GPC5: variants seen among roughly 807,000 people sequenced by gnomAD.
The protein encoded by GPC5 is glypican 5, also known as glypican-5.
Under a neutral mutation model 53.9 loss-of-function variants are expected in GPC5, and 47 were observed. That is an observed-to-expected ratio of 0.87 (90% CI 0.69 to 1.11). The LOEUF is 1.11. GPC5 is among the 50% of genes most tolerant of loss of function. The pLI is 0.00. For missense variants in GPC5, 748 were observed against 713.1 expected, an observed-to-expected ratio of 1.05 and a Z score of -0.56; for synonymous variants, 286 against 263.3, an observed-to-expected ratio of 1.09 and a Z score of -0.84.
chr13:92,483,243 T>C (rs988185238), intron 7 of GPC5, among the ~76,000 whole-genome samples: 1 of 152,186 alleles, frequency 6.6e-6, no homozygotes, highest in African/African-American at 2.4e-5. Flanking sequence ...GATTTCATAA[T>C]TGTGTGAACA....
At chr13:91,608,550 G>A (rs1036121190) in intron 2 of GPC5, among the ~76,000 whole-genome samples, 1 of 152,110 alleles carries the variant, frequency 6.6e-6, no homozygotes, top group African/African-American at 2.4e-5. Context: ...TGTCCCTTAT[G>A]GGTGCTTTGT....
At chr13:92,352,821 C>T (rs1312061450) in intron 7 of GPC5, among the ~76,000 whole-genome samples, 1 of 152,086 alleles carries the variant, frequency 6.6e-6, no homozygotes, top group African/African-American at 2.4e-5. Context: ...AATATTTATG[C>T]ACTTGAAAAC....
chr13:91,588,358 C>A (rs535916768), intron 2 of GPC5, among the ~76,000 whole-genome samples: 23 of 152,082 alleles, frequency 1.5e-4, no homozygotes, highest in Non-Finnish European at 2.8e-4. Context: ...CAATTAAGAA[C>A]AAGTTTCTGC....
intron 7 of GPC5, among the ~76,000 whole-genome samples, chr13:92,275,608 A>T (rs2042869836): frequency 6.6e-6 from 1 of 152,120 alleles, no homozygotes; most frequent in South Asian, 2.1e-4. Flanking sequence ...ACATCTGAAC[A>T]TTTCTTTCAC....
At chr13:92,739,771 G>GA (rs1322022547) in intron 7 of GPC5, among the ~76,000 whole-genome samples, 1 of 149,274 alleles carries the variant, frequency 6.7e-6, no homozygotes, top group Non-Finnish European at 1.5e-5. Flanking sequence ...CAACCAAATT[G>GA]AAAAAAGAAT....
At chr13:91,472,886 G>A (rs1342192296) in intron 2 of GPC5, among the ~76,000 whole-genome samples, 1 of 152,116 alleles carries the variant, frequency 6.6e-6, no homozygotes, top group Non-Finnish European at 1.5e-5. Context: ...CTGAGATTCT[G>A]CTAGGTGCTG....
chr13:92,693,140 A>G (rs1237827577), intron 7 of GPC5, among the ~76,000 whole-genome samples: 1 of 152,104 alleles, frequency 6.6e-6, no homozygotes, highest in African/African-American at 2.4e-5. Context: ...CTTCCCAGCC[A>G]TACAGGACTA....
chr13:91,784,730 A>G (rs2037852160), intron 5 of GPC5, among the ~76,000 whole-genome samples: 1 of 151,686 alleles, frequency 6.6e-6, no homozygotes, highest in Non-Finnish European at 1.5e-5. Context: ...ATCTCAGAAA[A>G]AAAAAAAATG....
At chr13:92,812,970 A>C (rs1472569253) in intron 7 of GPC5, among the ~76,000 whole-genome samples, 1 of 152,010 alleles carries the variant, frequency 6.6e-6, no homozygotes, top group African/African-American at 2.4e-5. Context: ...TTATCTTCTA[A>C]AATTTAATTC....
At chr13:92,242,981 T>C (rs1422439696) in intron 7 of GPC5, among the ~76,000 whole-genome samples, 1 of 152,200 alleles carries the variant, frequency 6.6e-6, no homozygotes, top group Non-Finnish European at 1.5e-5. Context: ...TCCAGTACAT[T>C]CTGCACTTCA....
At chr13:92,749,758 A>G (rs575039211) in intron 7 of GPC5, among the ~76,000 whole-genome samples, 65 of 152,306 alleles carry the variant, frequency 4.3e-4, no homozygotes, top group African/African-American at 1.4e-3. Context: ...TTATGCTGAA[A>G]GACATCTACA....
chr13:92,412,566 A>G (rs1876093999), intron 7 of GPC5, among the ~76,000 whole-genome samples: 1 of 152,218 alleles, frequency 6.6e-6, no homozygotes, highest in South Asian at 2.1e-4. Context: ...ATTATATGAA[A>G]TTAAAATTCC....
At chr13:92,771,350 G>A (rs541287082) in intron 7 of GPC5, among the ~76,000 whole-genome samples, 2 of 152,142 alleles carry the variant, frequency 1.3e-5, no homozygotes, top group African/African-American at 4.8e-5. Flanking sequence ...TTATTATCCA[G>A]TTTTTCTTTC....
chr13:91,600,350 T>A lies in GPC5; in HGVS notation c.326-92837T>A, dbSNP rs185283212. ...GAGAGAGAGAGAGAGAGAGAGAGAGTGTGTGTGTGTGTGTGTGTATAGACA... is the reference window on the plus strand; with the variant it reads ...GAGAGAGAGAGAGAGAGAGAGAGAGAGTGTGTGTGTGTGTGTGTATAGACA... On this transcript the variant is annotated intron_variant, in intron 2 of 7. Coordinates refer to ENST00000377067, the MANE Select transcript of GPC5 (RefSeq NM_004466.6). 2.5e-3 allele frequency among the ~76,000 whole-genome samples: 264 copies of A among 106,398 alleles called. 2 individuals carry two copies. Among genetic ancestry groups the A allele is most frequent in the African/African-American group, 8.4e-3 (245 of 29,156 alleles). 69.8% of individuals were successfully genotyped at this position (106,398 alleles called of 152,430 possible). A position where few individuals can be genotyped will look rare whatever the true frequency, so the allele number is the denominator to read the frequency against.
intron 7 of GPC5, among the ~76,000 whole-genome samples, chr13:92,432,332 C>T (rs1014806499): frequency 1.4e-5 from 2 of 145,874 alleles, no homozygotes; most frequent in African/African-American, 5.0e-5. Context: ...GACTAATAAA[C>T]TAGTTTTTTT....
intron 7 of GPC5, among the ~76,000 whole-genome samples, chr13:92,613,529 A>T (rs1461024879): frequency 1.4e-5 from 1 of 71,482 alleles, no homozygotes; most frequent in Non-Finnish European, 2.8e-5. Flanking sequence ...TATATAATTT[A>T]TATATAAAAT....
chr13:91,903,743 T>G (rs1478405266), intron 5 of GPC5, among the ~76,000 whole-genome samples: 1 of 152,268 alleles, frequency 6.6e-6, no homozygotes, highest in South Asian at 2.1e-4. Context: ...AATGAGATTT[T>G]TATCAGCTAT....
rs139489796 is a variant in GPC5, at chr13:92,833,302, C to A, written c.1562-32980C>A. ...GACTAATGTAATAGGGTGAACACAA[C>A]CTCCTAAGAAGTTAAACAATATGCA... On this transcript the variant is annotated intron_variant, in intron 7 of 7. Coordinates refer to ENST00000377067, the MANE Select transcript of GPC5 (RefSeq NM_004466.6). Among the ~76,000 whole-genome samples the A allele has an allele frequency of 1.4e-4, 21 of 152,172 alleles. No homozygotes were observed. The East Asian group carries it at 3.5e-3, about 25-fold the overall frequency.
chr13:92,709,536 T>G (rs528384060), intron 7 of GPC5: 26 of 152,342 alleles, frequency 1.7e-4, no homozygotes, highest in African/African-American at 6.0e-4. Context: ...CTACCTCCTG[T>G]GTCTTCTCAT....
Sources: allele counts gnomAD v4.1 joint callset (sites outside exome capture counted in the v4.1 genomes callset), GRCh38; gene constraint gnomAD v4.1.1; transcripts MANE v1.5; gene names NCBI Gene and HGNC (gene_info 2026-07-23, HGNC 2026-07-21).